The following HS6ST2 variants were observed in gnomAD, a reference collection of about 807,000 sequenced individuals.
The protein encoded by HS6ST2 is heparan sulfate 6-O-sulfotransferase 2.
HS6ST2 carries 17 observed loss-of-function variants against 33.0 expected under a neutral mutation model. The observed-to-expected ratio is 0.52, with a 90% CI of 0.35 to 0.77. The LOEUF is 0.77. Ranked by LOEUF, HS6ST2 falls within the 30% of genes least tolerant of loss-of-function variation. HS6ST2 has a pLI of 0.01. For synonymous variants in HS6ST2, 248 were observed against 237.1 expected, an observed-to-expected ratio of 1.05 and a Z score of -0.42; for missense variants, 519 against 551.7, an observed-to-expected ratio of 0.94 and a Z score of 0.59.
chrX:132,677,947 T>C (rs2063936620), intron 3 of HS6ST2, among the ~76,000 whole-genome samples: 1 of 112,033 alleles, frequency 8.9e-6, no homozygotes, highest in African/African-American at 3.2e-5. Context: ...GGGCATGGGG[T>C]ACCCATTCTC....
At chrX:132,718,463 G>A (rs4462057) in intron 2 of HS6ST2, among the ~76,000 whole-genome samples, 54,548 of 109,933 alleles carry the variant, frequency 0.5, 10,047 homozygotes, top group Middle Eastern at 0.57. Flanking sequence ...CAAATCCTAC[G>A]CCTTGTCTAA....
chrX:132,870,229 C>T (rs1305658208), intron 2 of HS6ST2, among the ~76,000 whole-genome samples: 1 of 111,276 alleles, frequency 9.0e-6, no homozygotes, highest in Non-Finnish European at 1.9e-5. Context: ...AGGACCTCTT[C>T]AAGGAGAACT....
chrX:132,680,220 G>A (rs2063958623), intron 3 of HS6ST2, among the ~76,000 whole-genome samples: 1 of 110,686 alleles, frequency 9.0e-6, no homozygotes, highest in Non-Finnish European at 1.9e-5. Context: ...ATTAATTTGG[G>A]GAACTAATAA....
At chrX:132,675,164 G>T (rs2063914986) in intron 3 of HS6ST2, among the ~76,000 whole-genome samples, 1 of 110,841 alleles carries the variant, frequency 9.0e-6, no homozygotes, top group African/African-American at 3.3e-5. Flanking sequence ...TCGAGTTGGG[G>T]TATTGATGGA....
chrX:132,903,419 C>T (rs1275969974), intron 2 of HS6ST2, among the ~76,000 whole-genome samples: 2 of 111,873 alleles, frequency 1.8e-5, no homozygotes, highest in African/African-American at 6.5e-5. Flanking sequence ...TCTTACTTTT[C>T]TTTGCAGAAA....
At chrX:132,670,962 T>A (rs2148207097) in intron 3 of HS6ST2, among the ~76,000 whole-genome samples, 1 of 111,807 alleles carries the variant, frequency 8.9e-6, no homozygotes, top group African/African-American at 3.2e-5. Context: ...GGGGCAGAAA[T>A]CCACTGGAAT....
chrX:132,702,766 A>C (rs1270991862), intron 3 of HS6ST2, among the ~76,000 whole-genome samples: 1 of 110,555 alleles, frequency 9.0e-6, no homozygotes, highest in African/African-American at 3.3e-5. Context: ...AATCTTGTTC[A>C]TTTACTTGTG....
intron 4 of HS6ST2, among the ~76,000 whole-genome samples, chrX:132,632,328 G>A (rs1475063394): frequency 9.0e-6 from 1 of 111,496 alleles, no homozygotes; most frequent in Non-Finnish European, 1.9e-5. Context: ...TCTGCTGAAG[G>A]GTAGGTGTCC....
intron 2 of HS6ST2, among the ~76,000 whole-genome samples, chrX:132,740,038 G>A (rs1045602051): frequency 2.7e-5 from 3 of 111,179 alleles, no homozygotes; most frequent in Admixed American, 9.6e-5. Flanking sequence ...GGGTCAAAGC[G>A]CATAGACATT....
At chrX:132,849,936 C>G (rs1006057644) in intron 2 of HS6ST2, among the ~76,000 whole-genome samples, 3 of 111,912 alleles carry the variant, frequency 2.7e-5, no homozygotes, top group African/African-American at 9.7e-5. Flanking sequence ...ATATCAAAGT[C>G]CAGAGAGGCA....
chrX:132,944,596 T>C (rs1302632309), intron 2 of HS6ST2, among the ~76,000 whole-genome samples: 1 of 111,540 alleles, frequency 9.0e-6, no homozygotes, highest in Admixed American at 9.5e-5. Context: ...CTACCTGACT[T>C]CAAACTATAC....
chrX:132,879,864 T>C (rs2066147602), intron 2 of HS6ST2, among the ~76,000 whole-genome samples: 2 of 111,678 alleles, frequency 1.8e-5, no homozygotes, highest in Non-Finnish European at 3.8e-5. Flanking sequence ...CATGAAACAC[T>C]TTTCCCATCA....
At chrX:132,765,853 C>G (rs2064844336) in intron 2 of HS6ST2, among the ~76,000 whole-genome samples, 1 of 112,226 alleles carries the variant, frequency 8.9e-6, no homozygotes, top group South Asian at 3.7e-4. Context: ...ATCATCATAG[C>G]AACCTTACAT....
intron 2 of HS6ST2, among the ~76,000 whole-genome samples, chrX:132,941,798 CTCT>C (rs1435816752): frequency 1.8e-5 from 2 of 111,129 alleles, no homozygotes; most frequent in South Asian, 3.8e-4. Flanking sequence ...CTAAAATGAT[CTCT>C]TTTTTTTTTA....
intron 2 of HS6ST2, among the ~76,000 whole-genome samples, chrX:132,884,414 C>A (rs1043270051): frequency 4.5e-5 from 5 of 111,688 alleles, no homozygotes; most frequent in African/African-American, 1.6e-4. Context: ...TTGCTCTGAT[C>A]CAATGCTAGG....
intron 4 of HS6ST2, among the ~76,000 whole-genome samples, chrX:132,653,062 C>A (rs1166158768): frequency 9.0e-6 from 1 of 111,640 alleles, no homozygotes; most frequent in Non-Finnish European, 1.9e-5. Context: ...CTTGTAATTT[C>A]TTTTTTTCTT....
intron 2 of HS6ST2, among the ~76,000 whole-genome samples, chrX:132,820,818 G>A (rs1183423369): frequency 5.4e-5 from 6 of 110,870 alleles, no homozygotes; most frequent in African/African-American, 2.0e-4. Context: ...TTAGGCTGAT[G>A]ATAGGGTATG....
chrX:132,729,653 C>CCACTCAGT (rs1442829743), intron 2 of HS6ST2, among the ~76,000 whole-genome samples: 1 of 111,338 alleles, frequency 9.0e-6, no homozygotes, highest in African/African-American at 3.3e-5. Flanking sequence ...TAAAACAATG[C>CCACTCAGT]CACTCAGTTA....
intron 2 of HS6ST2, among the ~76,000 whole-genome samples, chrX:132,797,368 A>G (rs1470283502): frequency 8.9e-6 from 1 of 111,826 alleles, no homozygotes; most frequent in Admixed American, 9.5e-5. Context: ...CAGACTGCCG[A>G]ACTGCAGACT....
Sources: allele counts gnomAD v4.1 joint callset (sites outside exome capture counted in the v4.1 genomes callset), GRCh38; gene constraint gnomAD v4.1.1; transcripts MANE v1.5; gene names NCBI Gene and HGNC (gene_info 2026-07-23, HGNC 2026-07-21).